ACSBG2: variants seen among roughly 807,000 people sequenced by gnomAD.
ACSBG2 encodes the protein acyl-CoA synthetase bubblegum family member 2.
Under a neutral mutation model 74.7 loss-of-function variants are expected in ACSBG2, and 62 were observed. That is an observed-to-expected ratio of 0.83 (90% confidence interval 0.68 to 1.03). The LOEUF is 1.03. Ranked by LOEUF, ACSBG2 falls within the 50% of genes least tolerant of loss-of-function variation. The pLI is 0.00. For missense variants in ACSBG2, 730 were observed against 817.6 expected, an observed-to-expected ratio of 0.89 and a Z score of 1.31; for synonymous variants, 309 against 294.1, an observed-to-expected ratio of 1.05 and a Z score of -0.52.
chr19:6,187,544 T>G (rs1014842058), intron 12 of ACSBG2, 55 bp from the exon 13 acceptor site: 2 of 1,608,746 alleles, frequency 1.2e-6, no homozygotes, highest in Non-Finnish European at 1.7e-6. Context: ...TCTGTGGGCC[T>G]GGGGAGGGGT....
intron 13 of ACSBG2, 23 bp downstream of exon 13, chr19:6,187,868 G>C: frequency 1.2e-6 from 2 of 1,610,894 alleles, no homozygotes; most frequent in Non-Finnish European, 1.7e-6. Context: ...GACATTTGGA[G>C]GCTGGTCCCT....
At chr19:6,138,188 G>A (rs866283208) in intron 1 of ACSBG2, among the ~76,000 whole-genome samples, 2 of 152,044 alleles carry the variant, frequency 1.3e-5, no homozygotes, top group African/African-American at 4.8e-5. Flanking sequence ...TCACCCCAAA[G>A]CAATTATCAT....
intron 8 of ACSBG2, among the ~76,000 whole-genome samples, chr19:6,179,883 GATT>G (rs939563960): frequency 1.1e-4 from 16 of 152,128 alleles, no homozygotes; most frequent in African/African-American, 3.9e-4. Flanking sequence ...AAAATGCTGG[GATT>G]ACAGGCATAA....
In ACSBG2 at chr19:6,187,365, T is replaced by C; in HGVS notation, c.1623T>C (p.Ser541=). 1 of 1,614,178 alleles carries C rather than the reference T, an allele frequency of 6.2e-7. No homozygotes were observed. The highest frequency in any genetic ancestry group is 8.5e-7 in the Non-Finnish European group (1 of 1,180,026). The change falls in exon 12 of 15, where the codon AGT becomes AGC. Residue 541 remains serine, a synonymous_variant. Coordinates refer to ENST00000588485, the MANE Select transcript of ACSBG2 (RefSeq NM_030924.5). The part of the protein sequence containing the change: ...TLVKKKIPII[S]NAMLVGDKLK... ...TTAAGAAGAAGATCCCCATCATCAG[T>C]AACGCCATGTTAGTAGGAGATAAAC...
chr19:6,139,952 G>A (rs113566437), intron 1 of ACSBG2, among the ~76,000 whole-genome samples: 5,509 of 152,174 alleles, frequency 0.036, 201 homozygotes, highest in African/African-American at 0.1. Context: ...GGCTGGGTGC[G>A]GTGGCTCACG....
intron 12 of ACSBG2, 56 bp downstream of exon 12, chr19:6,187,478 T>A: frequency 6.2e-7 from 1 of 1,606,940 alleles, no homozygotes; most frequent in African/African-American, 1.3e-5. Flanking sequence ...TTGGGTTCCC[T>A]GGCCCCACCC....
At chr19:6,140,306 C>T (rs2088773434) in intron 1 of ACSBG2, among the ~76,000 whole-genome samples, 1 of 151,898 alleles carries the variant, frequency 6.6e-6, no homozygotes, top group Non-Finnish European at 1.5e-5. Flanking sequence ...CCAAAGCCCT[C>T]AAACAGTAGA....
chr19:6,154,153 C>T (rs1464126109), intron 4 of ACSBG2, among the ~76,000 whole-genome samples: 1 of 151,590 alleles, frequency 6.6e-6, no homozygotes, highest in Non-Finnish European at 1.5e-5. Context: ...CCTGTAATTC[C>T]AACACTTTGG....
Position 6,135,702 on chromosome 19 carries a change from C to CCTGCCT in ACSBG2, c.-238_-237insTGCCTC, listed in dbSNP as rs2088538259. 1 of 152,290 alleles carries CCTGCCT rather than the reference C, an allele frequency of 6.6e-6. No individual in the cohort carries two copies. Among genetic ancestry groups the CCTGCCT allele is most frequent in the Non-Finnish European group, 1.5e-5 (1 of 68,136 alleles). 9.4% of individuals were successfully genotyped at this position (152,290 alleles called of 1,614,324 possible). A position where few individuals can be genotyped will look rare whatever the true frequency, so the allele number is the denominator to read the frequency against. The stretch of plus-strand genomic sequence containing the variant: ...GAAGGCCTGTTGTGGAGGGAAACCA[C>CCTGCCT]CCATCCTCCTGCCTCCCACCACCAC... On this transcript the variant is annotated 5_prime_UTR_variant, in exon 1 of 15. Coordinates refer to ENST00000588485, the MANE Select transcript of ACSBG2 (RefSeq NM_030924.5).
intron 5 of ACSBG2, 106 bp downstream of exon 5, chr19:6,156,657 C>T: frequency 8.0e-7 from 1 of 1,255,784 alleles, no homozygotes; most frequent in Non-Finnish European, 1.1e-6. Flanking sequence ...AAGATAGGGC[C>T]ATGCATCTGT....
chr19:6,164,209 G>A lies in ACSBG2; in HGVS notation c.589-1657G>A, dbSNP rs189666422. ...GTCATTTGTGGCTGTGGAAGCCGGG[G>A]GTCTTCTACCGGCCTTTGAAGGAAC... is the stretch of plus-strand genomic sequence containing the variant. On this transcript the variant is annotated intron_variant, in intron 6 of 14. Transcript: ENST00000588485. 3.6e-3 allele frequency among the ~76,000 whole-genome samples: 554 copies of A among 152,242 alleles called. 6 individuals are homozygous for A. Among genetic ancestry groups the A allele is most frequent in the African/African-American group, 0.013 (520 of 41,550 alleles).
Position 6,161,204 on chromosome 19 carries a change from C to A in ACSBG2, c.508-11C>A, listed in dbSNP as rs760919342. The A allele has an allele frequency of 1.2e-6, 2 of 1,611,908 alleles. No individual in the cohort carries two copies. The highest frequency in any genetic ancestry group is 1.7e-6 in the Non-Finnish European group (2 of 1,178,470). On this transcript the variant is annotated splice_polypyrimidine_tract_variant and intron_variant, in intron 5 of 14. Coordinates refer to ENST00000588485, the MANE Select transcript of ACSBG2 (RefSeq NM_030924.5). ...GGGTTGCCATGAAGCCCACAGGGAA[C>A]TTTCTTTCAGATTCCACAGAGCAGC...
chr19:6,154,394 G>T (rs561871478), intron 4 of ACSBG2, among the ~76,000 whole-genome samples: 1 of 63,536 alleles, frequency 1.6e-5, no homozygotes, highest in African/African-American at 5.0e-5. Context: ...GCAAAACTCC[G>T]TCTCAAAAAG....
At chr19:6,182,350 C>G (rs2090283975) in intron 8 of ACSBG2, among the ~76,000 whole-genome samples, 1 of 152,126 alleles carries the variant, frequency 6.6e-6, no homozygotes, top group Admixed American at 6.5e-5. Context: ...TTAGCCAACC[C>G]TTTGTCATTG....
Position 6,187,657 on chromosome 19 carries a change from A to G in ACSBG2, c.1739A>G (p.Asn580Ser). The change falls in exon 13 of 15, where the codon AAC (asparagine) becomes AGC (serine). Residue 580 changes from asparagine (N) to serine (S), a missense_variant. Asn to Ser is a conservative substitution (Grantham distance 46, BLOSUM62 1). Transcript: ENST00000588485. ...PLDKLNFEAI[N>S]FCRGLGSQAS... ...GACAAGCTGAACTTCGAGGCCATCA[A>G]CTTCTGTCGGGGTCTGGGCAGCCAG... 1 of 1,614,058 alleles carries G rather than the reference A, an allele frequency of 6.2e-7. No individual in the cohort carries two copies. The highest frequency in any genetic ancestry group is 8.5e-7 in the Non-Finnish European group (1 of 1,180,016).
intron 7 of ACSBG2, among the ~76,000 whole-genome samples, chr19:6,166,561 C>T (rs2089816274): frequency 6.6e-6 from 1 of 151,980 alleles, no homozygotes; most frequent in Non-Finnish European, 1.5e-5. Flanking sequence ...TGATCCACCG[C>T]CTTGGCCTCC....
At chr19:6,161,111 AAG>A in intron 5 of ACSBG2, 102 bp from the exon 6 acceptor site, 1 of 894,388 alleles carries the variant, frequency 1.1e-6, no homozygotes, top group East Asian at 2.6e-5. Flanking sequence ...AAAAAAAAAA[AAG>A]AGGCTAGAGT....
chr19:6,188,857 G>A (rs1355522693), intron 13 of ACSBG2, among the ~76,000 whole-genome samples: 2 of 152,150 alleles, frequency 1.3e-5, no homozygotes, highest in Non-Finnish European at 2.9e-5. Context: ...GTCAGCTCCC[G>A]TGGGGTCCTT....
At chr19:6,177,548 C>A in intron 8 of ACSBG2, 152 bp downstream of exon 8, 1 of 809,480 alleles carries the variant, frequency 1.2e-6, no homozygotes, top group Non-Finnish European at 1.8e-6. Context: ...TATTTAGAAG[C>A]ATTAAAAACA....
Sources: gnomAD v4.1 joint callset for allele counts (sites outside exome capture counted in the v4.1 genomes callset) on GRCh38, gnomAD v4.1.1 for gene constraint, MANE v1.5 for transcripts, NCBI Gene and HGNC (gene_info 2026-07-23, HGNC 2026-07-21) for gene names.